GRID2: variants seen among roughly 807,000 people sequenced by gnomAD.
GRID2 encodes glutamate ionotropic receptor delta type subunit 2.
Under a neutral mutation model 114.8 loss-of-function variants are expected in GRID2, and 33 were observed. The ratio of observed to expected loss-of-function variants is 0.29; its 90% confidence interval spans 0.22 to 0.38. The LOEUF (loss-of-function observed/expected upper bound fraction) is 0.38, where lower values mean the gene tolerates loss of function less well. Ranked by LOEUF, GRID2 falls within the 10% of genes least tolerant of loss-of-function variation. The pLI, the probability that GRID2 is intolerant of heterozygous loss-of-function variation, is 1.00. For synonymous variants in GRID2, 505 were observed against 449.9 expected, an observed-to-expected ratio of 1.12 and a Z score of -1.55; for missense variants, 1,184 against 1,257.7, an observed-to-expected ratio of 0.94 and a Z score of 0.89.
chr4:92,483,394 C>T (rs865889704), intron 1 of GRID2, among the ~76,000 whole-genome samples: 1 of 152,072 alleles, frequency 6.6e-6, no homozygotes, highest in South Asian at 2.1e-4. Context: ...CTTATAACTG[C>T]TCAGAGAATT....
At chr4:93,208,669 C>A (rs1436981931) in intron 5 of GRID2, among the ~76,000 whole-genome samples, 2 of 151,958 alleles carry the variant, frequency 1.3e-5, no homozygotes, top group Non-Finnish European at 1.5e-5. Context: ...ATGGAATGAT[C>A]CTTTTTATTT....
intron 8 of GRID2, among the ~76,000 whole-genome samples, chr4:93,330,042 G>T (rs1758264861): frequency 6.6e-6 from 1 of 151,964 alleles, no homozygotes; most frequent in African/African-American, 2.4e-5. Context: ...TATTAGTTCT[G>T]TTCCTTTACT....
At chr4:93,210,671 C>A (rs947291317) in intron 5 of GRID2, among the ~76,000 whole-genome samples, 2 of 151,936 alleles carry the variant, frequency 1.3e-5, no homozygotes, top group Non-Finnish European at 2.9e-5. Context: ...GGAGAAATAG[C>A]CTCTTCATAT....
intron 1 of GRID2, among the ~76,000 whole-genome samples, chr4:92,467,109 A>T (rs1721797105): frequency 6.6e-6 from 1 of 151,818 alleles, no homozygotes; most frequent in Non-Finnish European, 1.5e-5. Flanking sequence ...ATCCTATTTT[A>T]AGTTGAAAAA....
chr4:93,075,883 C>CTTTTTTT lies in GRID2; in HGVS notation c.245-9080_245-9074dup, dbSNP rs10706922. Reference sequence around the variant, plus strand: ...GTATTGGGATGTCGAAGTTACCTCTCTTTTTTTTTTTTTTTTTTTTTTTTT... The same window carrying CTTTTTTT: ...GTATTGGGATGTCGAAGTTACCTCTCTTTTTTTTTTTTTTTTTTTTTTTTTTTTTTTT... On this transcript the variant is annotated intron_variant, in intron 2 of 15. Transcript: ENST00000282020. Among the ~76,000 whole-genome samples, 27 of 76,604 alleles carry CTTTTTTT rather than the reference C, an allele frequency of 3.5e-4. 1 individual carries two copies. Among genetic ancestry groups the CTTTTTTT allele is most frequent in the African/African-American group, 1.1e-3 (20 of 18,774 alleles). The allele number at this position is 76,604 out of a possible 152,430, so 50.3% of individuals were successfully genotyped here.
chr4:93,029,801 T>G (rs1724221493), intron 2 of GRID2, among the ~76,000 whole-genome samples: 1 of 152,184 alleles, frequency 6.6e-6, no homozygotes, highest in African/African-American at 2.4e-5. Context: ...TTTGAAAAAT[T>G]GCCTGATTAG....
At position 92,961,055 on chromosome 4, in the gene GRID2, T is replaced by A. The variant is rs778664304; in HGVS notation, c.245-123940T>A. Among the ~76,000 whole-genome samples the A allele has an allele frequency of 4.0e-5, 6 of 151,862 alleles. No homozygotes were observed. In the South Asian group the frequency reaches 1.2e-3, roughly 31 times the overall value. On this transcript the variant is annotated intron_variant, in intron 2 of 15. Transcript: ENST00000282020. The stretch of plus-strand genomic sequence containing the variant: ...CCTTACAATAACTCCCTAAAAATAA[T>A]ACTTAATATTTCTAACTTCTTAAAA...
intron 2 of GRID2, among the ~76,000 whole-genome samples, chr4:93,067,697 A>G (rs1386917314): frequency 6.6e-6 from 1 of 152,072 alleles, no homozygotes; most frequent in African/African-American, 2.4e-5. Context: ...GTTAGAAAAA[A>G]AAACTTTCAA....
intron 4 of GRID2, among the ~76,000 whole-genome samples, chr4:93,170,015 A>C (rs1364547704): frequency 6.6e-6 from 1 of 152,196 alleles, no homozygotes; most frequent in East Asian, 1.9e-4. Context: ...TATTTTCATC[A>C]TGCCTTGTAT....
intron 2 of GRID2, among the ~76,000 whole-genome samples, chr4:92,992,470 A>T (rs1478589851): frequency 6.6e-6 from 1 of 152,172 alleles, no homozygotes; most frequent in African/African-American, 2.4e-5. Flanking sequence ...TTAAAGTATT[A>T]TCTGGAGTTA....
intron 13 of GRID2, among the ~76,000 whole-genome samples, chr4:93,581,746 G>T (rs930098180): frequency 1.3e-5 from 2 of 151,942 alleles, no homozygotes; most frequent in African/African-American, 4.8e-5. Flanking sequence ...TCTCTATCAG[G>T]ATATCTCTAT....
At chr4:93,552,607 T>G (rs775615197) in intron 13 of GRID2, among the ~76,000 whole-genome samples, 66 of 152,184 alleles carry the variant, frequency 4.3e-4, no homozygotes, top group Admixed American at 2.8e-3. Flanking sequence ...TTGTGGTTTT[T>G]ATTTGCATTT....
chr4:92,838,270 A>G (rs1742611685), intron 2 of GRID2, among the ~76,000 whole-genome samples: 1 of 152,110 alleles, frequency 6.6e-6, no homozygotes, highest in African/African-American at 2.4e-5. Context: ...TAAAAATTGA[A>G]TATCACTACC....
chr4:93,597,293 T>C (rs1458233908), intron 13 of GRID2, among the ~76,000 whole-genome samples: 2 of 152,220 alleles, frequency 1.3e-5, no homozygotes, highest in Non-Finnish European at 2.9e-5. Context: ...ATTTTATATA[T>C]TTTGATAAGC....
At chr4:93,357,207 T>A (rs1761421295) in intron 8 of GRID2, among the ~76,000 whole-genome samples, 1 of 149,628 alleles carries the variant, frequency 6.7e-6, no homozygotes. Context: ...AACTATATTA[T>A]CCTGCTTTTT....
intron 2 of GRID2, among the ~76,000 whole-genome samples, chr4:92,968,929 A>G (rs1312664092): frequency 1.3e-5 from 2 of 151,802 alleles, no homozygotes; most frequent in East Asian, 3.9e-4. Context: ...AAAGAAAACC[A>G]TTGTTGTTTA....
intron 10 of GRID2, among the ~76,000 whole-genome samples, chr4:93,440,347 C>A (rs10012679): frequency 0.19 from 28,887 of 151,720 alleles, 4,811 homozygotes; most frequent in African/African-American, 0.45. Context: ...GCAAAGGGGA[C>A]CAGAGTAAAA....
At chr4:93,476,000 C>A (rs1434806919) in intron 11 of GRID2, among the ~76,000 whole-genome samples, 5 of 151,918 alleles carry the variant, frequency 3.3e-5, no homozygotes, top group African/African-American at 9.7e-5. Flanking sequence ...CCTTTCCCAG[C>A]CCTCATTTCA....
At chr4:93,631,417 CA>C (rs900976132) in intron 14 of GRID2, among the ~76,000 whole-genome samples, 32 of 152,100 alleles carry the variant, frequency 2.1e-4, no homozygotes, top group Non-Finnish European at 8.8e-5. Context: ...TTCCCGTGTC[CA>C]AGTGTTCTCA....
Sources: allele counts gnomAD v4.1 joint callset (sites outside exome capture counted in the v4.1 genomes callset), GRCh38; gene constraint gnomAD v4.1.1; transcripts MANE v1.5; gene names NCBI Gene and HGNC (gene_info 2026-07-23, HGNC 2026-07-21).